The following PPARA variants were observed in gnomAD, a reference collection of about 807,000 sequenced individuals.
PPARA encodes the protein peroxisome proliferator activated receptor alpha, also known as peroxisome proliferator-activated receptor alpha.
A neutral mutation model predicts 42.2 loss-of-function variants in PPARA; 22 were observed. The observed-to-expected ratio is 0.52, with a 90% CI of 0.37 to 0.74. The LOEUF is 0.74. PPARA is among the 30% of genes least tolerant of loss of function. PPARA has a pLI of 0.00. For synonymous variants in PPARA, 242 were observed against 239.3 expected, an observed-to-expected ratio of 1.01 and a Z score of -0.10; for missense variants, 465 against 608.2, an observed-to-expected ratio of 0.76 and a Z score of 2.48.
chr22:46,185,913 AAAAATATATATATATATAT>A (rs1569207537), intron 3 of PPARA, among the ~76,000 whole-genome samples: 1 of 57,264 alleles, frequency 1.7e-5, no homozygotes, highest in African/African-American at 8.4e-5. Flanking sequence ...AAAAAAAAAA[AAAAATATATATATATATAT>A]ATATATATAT....
chr22:46,157,511 A>T (rs1207693868), intron 2 of PPARA, among the ~76,000 whole-genome samples: 4 of 152,224 alleles, frequency 2.6e-5, no homozygotes, highest in Non-Finnish European at 5.9e-5. Flanking sequence ...CAGCGGTGTT[A>T]GGAAGGTGAG....
rs1215684250 is a variant in PPARA, at chr22:46,182,257, G to A, written c.-43+5421G>A. 6.6e-6 allele frequency among the ~76,000 whole-genome samples: 1 copy of A among 152,320 alleles called. No homozygotes were observed. The highest frequency in any genetic ancestry group is 2.1e-4 in the South Asian group (1 of 4,828). On this transcript the variant is annotated intron_variant, in intron 3 of 8. Coordinates refer to ENST00000407236, the MANE Select transcript of PPARA (RefSeq NM_005036.6). The surrounding 1 kb of genome is among the most constrained non-coding windows in gnomAD (Gnocchi z 5.2). ...TATATTCCATACAGAGTCTAGTCCT[G>A]AATGTCTATAGCTGCTTTATTTATA...
chr22:46,215,334 G>A lies in PPARA; in HGVS notation c.369+1G>A. 1 of 1,614,168 alleles carries A rather than the reference G, an allele frequency of 6.2e-7. No homozygotes were observed. Among genetic ancestry groups the A allele is most frequent in the Non-Finnish European group, 8.5e-7 (1 of 1,180,022 alleles). ...AGTCCACGCGTGTGAAGGCTGCAAG[G>A]TAGAGGGGAGCTGGAACAGGGCCTG... On this transcript the variant is annotated splice_donor_variant, in intron 5 of 8. Coordinates refer to ENST00000407236, the MANE Select transcript of PPARA (RefSeq NM_005036.6). LOFTEE classifies it high-confidence loss of function.
At chr22:46,170,714 A>G (rs1036552773) in intron 2 of PPARA, among the ~76,000 whole-genome samples, 1 of 151,804 alleles carries the variant, frequency 6.6e-6, no homozygotes, top group Non-Finnish European at 1.5e-5. Flanking sequence ...AAAGGCATAC[A>G]TCAATACCCA....
rs1295527808 is a variant in PPARA at position 46,234,494 on chromosome 22, T to C, written c.1160-639T>C. On this transcript the variant is annotated intron_variant, in intron 8 of 8. Coordinates refer to ENST00000407236, the MANE Select transcript of PPARA (RefSeq NM_005036.6). This position sits in a 1 kb window ranked among gnomAD's most constrained non-coding sequence, Gnocchi z 5.8. ...TGCCAGCTACCCCAGGCAGGTCATC[T>C]GGTGTGAATGTTGACTCTTCCTGCA... Among the ~76,000 whole-genome samples the C allele has an allele frequency of 6.6e-6, 1 of 152,098 alleles. No homozygotes were observed. Among genetic ancestry groups the C allele is most frequent in the African/African-American group, 2.4e-5 (1 of 41,412 alleles).
At chr22:46,185,017 G>A (rs939541677) in intron 3 of PPARA, among the ~76,000 whole-genome samples, 6 of 152,098 alleles carry the variant, frequency 3.9e-5, no homozygotes, top group African/African-American at 1.4e-4. Context: ...TCCCTGCTGG[G>A]CCCTTGCAAT....
chr22:46,219,065 G>A lies in PPARA; in HGVS notation c.508+664G>A, dbSNP rs189951803. Among the ~76,000 whole-genome samples the A allele has an allele frequency of 9.5e-4, 143 of 150,428 alleles. No homozygotes were observed. The highest frequency in any genetic ancestry group is 3.1e-3 in the Admixed American group (47 of 15,004). ...TAATCCCAGCTACTTGGGAGGATGA[G>A]ACAGGAGAATAGCTTGAACCCGGGA... On this transcript the variant is annotated intron_variant, in intron 6 of 8. Transcript: ENST00000407236. The surrounding 1 kb of genome is among the most constrained non-coding windows in gnomAD (Gnocchi z 4.8).
chr22:46,215,043 G>A (rs971184746), intron 4 of PPARA, 130 bp from the exon 5 acceptor site: 7 of 1,140,244 alleles, frequency 6.1e-6, no homozygotes, highest in East Asian at 2.5e-5. Flanking sequence ...GCCCGGCCCC[G>A]CATGGGTGTT....
At chr22:46,207,677 A>ATTTTTTTTTTTTTTT (rs764662561) in intron 4 of PPARA, among the ~76,000 whole-genome samples, 6 of 50,724 alleles carry the variant, frequency 1.2e-4, no homozygotes, top group Admixed American at 3.6e-4. Flanking sequence ...TATTATTATT[A>ATTTTTTTTTTTTTTT]TTTTTTTTTT....
chr22:46,209,968 C>T (rs1239797324), intron 4 of PPARA, among the ~76,000 whole-genome samples: 1 of 152,148 alleles, frequency 6.6e-6, no homozygotes, highest in Non-Finnish European at 1.5e-5. Context: ...TGGTCTCAAA[C>T]TCCTGGGTTC....
At chr22:46,151,682 G>A (rs1479181865) in intron 1 of PPARA, among the ~76,000 whole-genome samples, 3 of 152,198 alleles carry the variant, frequency 2.0e-5, no homozygotes, top group Non-Finnish European at 4.4e-5. Context: ...AACCAGGGAG[G>A]CCCCTCCTCT....
chr22:46,196,514 T>C lies in PPARA; in HGVS notation c.-42-1828T>C, dbSNP rs2147366558. ...TGTTTCAGTCCTGGAGCCTTTGCAC[T>C]TGGTGTTCTCTTCGCTGGAACATTC... On this transcript the variant is annotated intron_variant, in intron 3 of 8. Coordinates refer to ENST00000407236, the MANE Select transcript of PPARA (RefSeq NM_005036.6). This position sits in a 1 kb window ranked among gnomAD's most constrained non-coding sequence, Gnocchi z 5.6. Among the ~76,000 whole-genome samples the C allele has an allele frequency of 6.6e-6, 1 of 152,346 alleles. No individual in the cohort carries two copies. The highest frequency in any genetic ancestry group is 1.5e-5 in the Non-Finnish European group (1 of 68,028).
In PPARA at chr22:46,204,521, TCAA is replaced by T. The variant is rs1294407048; in HGVS notation, c.208+5933_208+5935del. On this transcript the variant is annotated intron_variant, in intron 4 of 8. Coordinates refer to ENST00000407236, the MANE Select transcript of PPARA (RefSeq NM_005036.6). The surrounding 1 kb of genome is among the most constrained non-coding windows in gnomAD (Gnocchi z 5.2). ...GAGTTCCAGTTCCTCCATACCCTCA[TCAA>T]CATGAGGCATGATCAGTCTTTTTAA... Among the ~76,000 whole-genome samples the T allele has an allele frequency of 6.6e-6, 1 of 152,182 alleles. No homozygotes were observed. Among genetic ancestry groups the T allele is most frequent in the Non-Finnish European group, 1.5e-5 (1 of 68,038 alleles).
intron 2 of PPARA, among the ~76,000 whole-genome samples, chr22:46,168,390 A>G (rs1927444749): frequency 6.7e-6 from 1 of 149,356 alleles, no homozygotes; most frequent in South Asian, 2.1e-4. Context: ...AAGAAAGCAT[A>G]AACTATAAAA....
intron 4 of PPARA, among the ~76,000 whole-genome samples, chr22:46,207,938 G>C (rs1269533372): frequency 6.6e-6 from 1 of 151,670 alleles, no homozygotes; most frequent in East Asian, 1.9e-4. Flanking sequence ...TCCTACCTCT[G>C]CCTCCCGAAG....
At chr22:46,207,812 G>A (rs186822772) in intron 4 of PPARA, among the ~76,000 whole-genome samples, 7 of 150,612 alleles carry the variant, frequency 4.6e-5, no homozygotes, top group African/African-American at 7.3e-5. Flanking sequence ...GCCTCCTGAG[G>A]AACTAGGACT....
chr22:46,232,190 G>A lies in PPARA; in HGVS notation c.1110G>A (p.Leu370=). ...DFAMKFNALE[L]DDSDISLFVA... ...CCATGAAGTTCAATGCACTGGAACT[G>A]GATGACAGTGATATCTCCCTTTTTG... The change falls in exon 8 of 9, where the codon CTG becomes CTA. Residue 370 remains leucine, a synonymous_variant. Coordinates refer to ENST00000407236, the MANE Select transcript of PPARA (RefSeq NM_005036.6). This position sits in a 1 kb window ranked among gnomAD's most constrained non-coding sequence, Gnocchi z 5.3. 1 of 1,614,178 alleles carries A rather than the reference G, an allele frequency of 6.2e-7. No individual in the cohort carries two copies. Among genetic ancestry groups the A allele is most frequent in the Non-Finnish European group, 8.5e-7 (1 of 1,180,046 alleles).
Position 46,224,571 on chromosome 22 carries a change from C to G in PPARA, c.711+4557C>G, listed in dbSNP as rs1022356272. Reference sequence around the variant, plus strand: ...CTGGGTGACCTCACAGCCCCAGCCACGCCCCACAGAGCCTCAGGAAGGCAC... The same window carrying G: ...CTGGGTGACCTCACAGCCCCAGCCAGGCCCCACAGAGCCTCAGGAAGGCAC... On this transcript the variant is annotated intron_variant, in intron 7 of 8. Transcript: ENST00000407236. This position sits in a 1 kb window ranked among gnomAD's most constrained non-coding sequence, Gnocchi z 5.7. 1.3e-5 allele frequency among the ~76,000 whole-genome samples: 2 copies of G among 152,334 alleles called. No individual in the cohort carries two copies. The highest frequency in any genetic ancestry group is 4.1e-4 in the South Asian group (2 of 4,828).
At position 46,160,024 on chromosome 22, in the gene PPARA, G is replaced by A; in HGVS notation, c.-127+8054G>A. On this transcript the variant is annotated intron_variant, in intron 2 of 8. Coordinates refer to ENST00000407236, the MANE Select transcript of PPARA (RefSeq NM_005036.6). The surrounding 1 kb of genome is among the most constrained non-coding windows in gnomAD (Gnocchi z 4.5). ...TCACAAGCTGTGACTGGAAGACGCC[G>A]ACCACCACTGCAGCAGCCTGAAAAC... is the stretch of plus-strand genomic sequence containing the variant. 6.6e-6 allele frequency among the ~76,000 whole-genome samples: 1 copy of A among 152,142 alleles called. No individual in the cohort carries two copies. The highest frequency in any genetic ancestry group is 2.4e-5 in the African/African-American group (1 of 41,428).
Sources: allele counts gnomAD v4.1 joint callset (sites outside exome capture counted in the v4.1 genomes callset), GRCh38; gene constraint gnomAD v4.1.1; non-coding constraint Gnocchi (gnomAD v3.1); transcripts MANE v1.5; gene names NCBI Gene and HGNC (gene_info 2026-07-23, HGNC 2026-07-21).